The following RAPGEF4 variants were observed in gnomAD, a reference collection of about 807,000 sequenced individuals.
RAPGEF4 encodes RAP guanine-nucleotide-exchange factor (GEF) 4.
A neutral mutation model predicts 147.9 loss-of-function variants in RAPGEF4; 66 were observed. The observed-to-expected ratio is 0.45, with a 90% CI of 0.37 to 0.55. The LOEUF (loss-of-function observed/expected upper bound fraction) is 0.55, where lower values mean the gene tolerates loss of function less well. Among genes scored for constraint, RAPGEF4 ranks in the 20% least tolerant of loss-of-function variants. The probability of loss-of-function intolerance (pLI) is 0.00; values close to 1 mark genes in which losing one functional copy is unlikely to be tolerated. For synonymous variants in RAPGEF4, 419 were observed against 442.7 expected (o/e 0.95, Z 0.67); for missense variants, 1,071 against 1,257.3 (o/e 0.85, Z 2.24).
intron 1 of RAPGEF4, among the ~76,000 whole-genome samples, chr2:172,753,901 C>CA (rs1574705444): frequency 1.3e-5 from 2 of 150,862 alleles, no homozygotes; most frequent in East Asian, 1.9e-4. Flanking sequence ...CACACACACA[C>CA]CCGACACACA....
chr2:172,940,108 G>A (rs1181125240), intron 6 of RAPGEF4, among the ~76,000 whole-genome samples: 1 of 152,108 alleles, frequency 6.6e-6, no homozygotes, highest in African/African-American at 2.4e-5. Context: ...TTTGTAGAAT[G>A]TCCCTCACTT....
intron 4 of RAPGEF4, among the ~76,000 whole-genome samples, chr2:172,894,663 T>A (rs949127870): frequency 6.6e-6 from 1 of 152,186 alleles, no homozygotes; most frequent in African/African-American, 2.4e-5. Flanking sequence ...ACTGACTGCA[T>A]GAATGAGGAT....
At chr2:173,002,598 G>A (rs1490615725) in intron 17 of RAPGEF4, among the ~76,000 whole-genome samples, 2 of 150,276 alleles carry the variant, frequency 1.3e-5, no homozygotes, top group African/African-American at 4.9e-5. Context: ...ATATATTGAA[G>A]GAGAATGACT....
At position 172,786,538 on chromosome 2, in the gene RAPGEF4, A is replaced by C. The variant is rs759192310; in HGVS notation, c.66-8487A>C. On this transcript the variant is annotated intron_variant, in intron 1 of 30. Coordinates refer to ENST00000397081, the MANE Select transcript of RAPGEF4 (RefSeq NM_007023.4). ...CATTTAAAATGTCATAGATTTCATA[A>C]ATTTCTCTGGTGTCTACGTCTCCTG... Among the ~76,000 whole-genome samples, 26 of 152,262 alleles carry C rather than the reference A, an allele frequency of 1.7e-4. No individual in the cohort carries two copies. The Middle Eastern group carries it at 0.017, about 100-fold the overall frequency.
intron 13 of RAPGEF4, 92 bp from the exon 14 acceptor site, chr2:172,988,601 G>A: frequency 7.1e-7 from 1 of 1,408,744 alleles, no homozygotes; most frequent in Non-Finnish European, 9.8e-7. Context: ...TATCTACAAT[G>A]TTTTAGGGGC....
chr2:173,034,130 T>C (rs1404353734), intron 27 of RAPGEF4, among the ~76,000 whole-genome samples, 166 bp downstream of exon 27: 1 of 152,230 alleles, frequency 6.6e-6, no homozygotes. Context: ...GACTAATGAA[T>C]GGCACCCTCA....
At chr2:172,790,135 A>G (rs1348060384) in intron 1 of RAPGEF4, among the ~76,000 whole-genome samples, 1 of 152,006 alleles carries the variant, frequency 6.6e-6, no homozygotes, top group Non-Finnish European at 1.5e-5. Context: ...TTTTTTTATA[A>G]TAGCCATCTT....
intron 3 of RAPGEF4, among the ~76,000 whole-genome samples, chr2:172,798,642 C>T (rs993906066): frequency 2.6e-5 from 4 of 152,034 alleles, no homozygotes; most frequent in Admixed American, 6.6e-5. Context: ...GTTTTGGAGG[C>T]TTTTTCATAG....
chr2:172,977,392 G>A (rs1332967287), intron 10 of RAPGEF4, among the ~76,000 whole-genome samples: 3 of 152,150 alleles, frequency 2.0e-5, no homozygotes, highest in Non-Finnish European at 2.9e-5. Context: ...AGTGATTGTG[G>A]TGGGGAACGC....
intron 3 of RAPGEF4, among the ~76,000 whole-genome samples, chr2:172,802,036 A>G (rs1574884931): frequency 6.6e-6 from 1 of 152,166 alleles, no homozygotes; most frequent in South Asian, 2.1e-4. Context: ...GGGAAAGTGA[A>G]GTACACTGTG....
chr2:173,044,449 G>A (rs79240201), intron 29 of RAPGEF4, among the ~76,000 whole-genome samples: 4,821 of 152,222 alleles, frequency 0.032, 190 homozygotes, highest in African/African-American at 0.092. Flanking sequence ...ATCTACTTCT[G>A]TGCCCCTCTG....
chr2:173,048,020 A>G, intron 29 of RAPGEF4: 1 of 153,044 alleles, frequency 6.5e-6, no homozygotes, highest in Middle Eastern at 3.3e-3. Flanking sequence ...TGTTATAATC[A>G]GAAAGGAGGA....
chr2:172,801,597 A>G (rs182134166), intron 3 of RAPGEF4, among the ~76,000 whole-genome samples: 1 of 151,990 alleles, frequency 6.6e-6, no homozygotes, highest in East Asian at 1.9e-4. Context: ...CCCTCCCCTT[A>G]GTGCTGTGGT....
At chr2:172,815,985 GT>G (rs34656839) in intron 4 of RAPGEF4, among the ~76,000 whole-genome samples, 1 of 151,690 alleles carries the variant, frequency 6.6e-6, no homozygotes, top group Non-Finnish European at 1.5e-5. Context: ...AGCTTTGTTT[GT>G]TTTTTTTGGT....
chr2:172,736,390 G>C (rs1693774143), intron 1 of RAPGEF4, among the ~76,000 whole-genome samples: 2 of 152,312 alleles, frequency 1.3e-5, no homozygotes, highest in East Asian at 3.9e-4. Context: ...CAGAAGAATC[G>C]ATGCATACCC....
At chr2:172,922,389 G>A in intron 6 of RAPGEF4, 89 bp downstream of exon 6, 1 of 1,238,000 alleles carries the variant, frequency 8.1e-7, no homozygotes, top group Non-Finnish European at 1.2e-6. Context: ...GAGAGCTCTT[G>A]ACCCACATTC....
intron 3 of RAPGEF4, among the ~76,000 whole-genome samples, chr2:172,810,978 A>C (rs1230263850): frequency 2.0e-5 from 3 of 152,232 alleles, no homozygotes; most frequent in Non-Finnish European, 4.4e-5. Context: ...AGAATGGGAA[A>C]ATTAGACAAA....
rs1376130442 is a variant in RAPGEF4, at chr2:172,851,549, G to A, written c.444+37124G>A. Among the ~76,000 whole-genome samples, 3 of 152,048 alleles carry A rather than the reference G, an allele frequency of 2.0e-5. No individual in the cohort carries two copies. The East Asian group carries it at 5.8e-4, about 29-fold the overall frequency. On this transcript the variant is annotated intron_variant, in intron 4 of 30. Coordinates refer to ENST00000397081, the MANE Select transcript of RAPGEF4 (RefSeq NM_007023.4). ...GCAAAGACATGGAATCAACTTAAAT[G>A]CCCATCAAAGATAGACTGGAAAAAG...
intron 4 of RAPGEF4, among the ~76,000 whole-genome samples, chr2:172,842,457 C>T (rs895291433): frequency 9.2e-5 from 14 of 152,180 alleles, no homozygotes; most frequent in Non-Finnish European, 1.8e-4. Flanking sequence ...CCTGAATTTG[C>T]CATTTGGATT....
Sources: gnomAD v4.1 joint callset for allele counts (sites outside exome capture counted in the v4.1 genomes callset) on GRCh38, gnomAD v4.1.1 for gene constraint, MANE v1.5 for transcripts, NCBI Gene and HGNC (gene_info 2026-07-23, HGNC 2026-07-21) for gene names.